The following ARHGAP29 variants were observed in gnomAD, a reference collection of about 807,000 sequenced individuals.
The protein encoded by ARHGAP29 is Rho GTPase activating protein 29, also known as rho GTPase-activating protein 29.
Under a neutral mutation model 122.6 loss-of-function variants are expected in ARHGAP29, and 43 were observed. That is an observed-to-expected ratio of 0.35 (90% CI 0.27 to 0.45). ARHGAP29 has a LOEUF of 0.45. ARHGAP29 is among the 20% of genes least tolerant of loss of function. The pLI, the probability that ARHGAP29 is intolerant of heterozygous loss-of-function variation, is 1.00. For synonymous variants in ARHGAP29, 506 were observed against 497.1 expected (o/e 1.02, Z -0.24); for missense variants, 1,303 against 1,477.2 (o/e 0.88, Z 1.93).
At position 94,171,013 on chromosome 1, in the gene ARHGAP29, A is replaced by G. The variant is rs981402174; in HGVS notation, c.*2856T>C. On this transcript the variant is annotated 3_prime_UTR_variant, in exon 23 of 23. Coordinates refer to ENST00000260526, the MANE Select transcript of ARHGAP29 (RefSeq NM_004815.4). ...AACTGAATAGTCTACATATATAATCATATCAACACATCACCATAATTTCCT... is the reference window on the plus strand; with the variant it reads ...AACTGAATAGTCTACATATATAATCGTATCAACACATCACCATAATTTCCT... 2.6e-5 allele frequency among the ~76,000 whole-genome samples: 4 copies of G among 152,242 alleles called. No individual in the cohort carries two copies. Among genetic ancestry groups the G allele is most frequent in the African/African-American group, 9.6e-5 (4 of 41,468 alleles).
intron 1 of ARHGAP29, among the ~76,000 whole-genome samples, chr1:94,257,337 G>A (rs1486446315): frequency 6.6e-6 from 1 of 152,050 alleles, no homozygotes; most frequent in African/African-American, 2.4e-5. Context: ...TGGAGGTGGA[G>A]GTTGCAGTGA....
chr1:94,304,049 C>A, the ARHGAP29 span, among the ~76,000 whole-genome samples: 1 of 152,194 alleles, frequency 6.6e-6, no homozygotes, highest in African/African-American at 2.4e-5. Context: ...ATTTTGATGT[C>A]AAGGCTCTGC....
At position 94,171,174 on chromosome 1, in the gene ARHGAP29, T is replaced by C. The variant is rs1007327481; in HGVS notation, c.*2695A>G. ...ACGATAGCTGGGAATAGTGTAGCCATAGTACCATCTTTAAATCACCCAAAT... is the reference window on the plus strand; with the variant it reads ...ACGATAGCTGGGAATAGTGTAGCCACAGTACCATCTTTAAATCACCCAAAT... On this transcript the variant is annotated 3_prime_UTR_variant, in exon 23 of 23. Transcript: ENST00000260526. Among the ~76,000 whole-genome samples, 1 of 152,208 alleles carries C rather than the reference T, an allele frequency of 6.6e-6. No individual in the cohort carries two copies. The highest frequency in any genetic ancestry group is 1.5e-5 in the Non-Finnish European group (1 of 68,038).
At chr1:94,253,672 A>ACGCACT in intron 1 of ARHGAP29, among the ~76,000 whole-genome samples, 1 of 123,642 alleles carries the variant, frequency 8.1e-6, no homozygotes, top group South Asian at 2.7e-4. Context: ...ACGCACGCAC[A>ACGCACT]TGCACACATT....
intron 1 of ARHGAP29, among the ~76,000 whole-genome samples, chr1:94,258,489 G>A (rs1164557520): frequency 6.6e-6 from 1 of 152,212 alleles, no homozygotes; most frequent in East Asian, 1.9e-4. Context: ...AACTCTAGCT[G>A]ATACCACAGT....
At chr1:94,277,406 C>T (rs2100743394), upstream of ARHGAP29, among the ~76,000 whole-genome samples, 1 of 152,288 alleles carries the variant, frequency 6.6e-6, no homozygotes, top group South Asian at 2.1e-4. Flanking sequence ...TGAGACAGTT[C>T]AGACCTTATT....
At position 94,174,717 on chromosome 1, in the gene ARHGAP29, C is replaced by A. The variant is rs758759180; in HGVS notation, c.2938G>T (p.Glu980Ter). ...TCTTCTATCTTTTGGGATGCTGATT[C>A]AGCCTCTTGGTCTAGAAGCAACTGT... ...KAQLLLDQEAESASQKIEDGK... is the reference protein window; with the variant it reads ...KAQLLLDQEA The change falls in exon 23 of 23, where the codon GAA becomes TAA. Residue 980 changes from glutamate to a stop codon, truncating the protein, a stop_gained. Coordinates refer to ENST00000260526, the MANE Select transcript of ARHGAP29 (RefSeq NM_004815.4). LOFTEE classifies it low-confidence loss of function (END_TRUNC). 3 of 1,614,056 alleles carry A rather than the reference C, an allele frequency of 1.9e-6. No homozygotes were observed. In the South Asian group the frequency reaches 3.3e-5, roughly 18 times the overall value.
At chr1:94,301,528 T>C in the ARHGAP29 span, among the ~76,000 whole-genome samples, 172 of 152,270 alleles carry the variant, frequency 1.1e-3, no homozygotes, top group African/African-American at 4.0e-3. Flanking sequence ...CCTGAATCTG[T>C]CACTGCAATG....
At chr1:94,213,724 A>G (rs926876735) in intron 3 of ARHGAP29, among the ~76,000 whole-genome samples, 1 of 152,162 alleles carries the variant, frequency 6.6e-6, no homozygotes, top group Non-Finnish European at 1.5e-5. Context: ...CTCTCTTACA[A>G]TGTTACATAA....
At chr1:94,276,928 C>T (rs1192803785), upstream of ARHGAP29, among the ~76,000 whole-genome samples, 2 of 151,958 alleles carry the variant, frequency 1.3e-5, no homozygotes, top group South Asian at 2.1e-4. Context: ...GGCTTCCGGG[C>T]ACTGCAAAGG....
intron 8 of ARHGAP29, among the ~76,000 whole-genome samples, 181 bp downstream of exon 8, chr1:94,203,749 A>G (rs1409691705): frequency 6.6e-6 from 1 of 152,160 alleles, no homozygotes; most frequent in Admixed American, 6.5e-5. Context: ...CGAAAAAAAA[A>G]GCGTATTTCC....
chr1:94,309,721 G>A, the ARHGAP29 span, among the ~76,000 whole-genome samples: 2 of 152,260 alleles, frequency 1.3e-5, no homozygotes, highest in East Asian at 3.9e-4. Flanking sequence ...AGGTCCCAAG[G>A]TAGAAATAAA....
rs576325652 is a variant in ARHGAP29, at chr1:94,213,156, C to T, written c.341-3806G>A. On this transcript the variant is annotated intron_variant, in intron 3 of 22. Coordinates refer to ENST00000260526, the MANE Select transcript of ARHGAP29 (RefSeq NM_004815.4). The stretch of plus-strand genomic sequence containing the variant: ...AGATTTGGCTTTTCACCCACTTTAA[C>T]GGTTATCAGAGGCTAGAAAACTTTT... Among the ~76,000 whole-genome samples the T allele has an allele frequency of 6.6e-5, 10 of 152,240 alleles. No individual in the cohort carries two copies. The East Asian group carries it at 7.7e-4, about 12-fold the overall frequency.
At chr1:94,236,207 A>T (rs1653246450) in intron 1 of ARHGAP29, among the ~76,000 whole-genome samples, 1 of 151,966 alleles carries the variant, frequency 6.6e-6, no homozygotes, top group Non-Finnish European at 1.5e-5. Flanking sequence ...CTATGCAAAC[A>T]ATTTTTAAAG....
At chr1:94,235,218 C>G (rs1435943443) in intron 1 of ARHGAP29, among the ~76,000 whole-genome samples, 1 of 152,100 alleles carries the variant, frequency 6.6e-6, no homozygotes, top group African/African-American at 2.4e-5. Flanking sequence ...ATTGAAAAAA[C>G]GTTTAAAATA....
At chr1:94,298,151 A>G in the ARHGAP29 span, among the ~76,000 whole-genome samples, 7,705 of 152,288 alleles carry the variant, frequency 0.051, 672 homozygotes, top group African/African-American at 0.18. Context: ...TACCATCCTG[A>G]ATACACTTTC....
At chr1:94,185,127 T>C (rs1055560080) in intron 17 of ARHGAP29, 67 bp from the exon 18 acceptor site, 2 of 1,438,786 alleles carry the variant, frequency 1.4e-6, no homozygotes, top group Non-Finnish European at 1.9e-6. Context: ...AAACTGCAGG[T>C]GGAAGGTAAC....
At chr1:94,266,558 T>C (rs1191525582) in intron 1 of ARHGAP29, among the ~76,000 whole-genome samples, 1 of 152,164 alleles carries the variant, frequency 6.6e-6, no homozygotes, top group East Asian at 1.9e-4. Flanking sequence ...AGCCCCTTCA[T>C]ACTATGGCCT....
intron 19 of ARHGAP29, among the ~76,000 whole-genome samples, chr1:94,182,276 C>CAA (rs370160214): frequency 6.8e-6 from 1 of 147,650 alleles, no homozygotes; most frequent in African/African-American, 2.5e-5. Flanking sequence ...TGTAAGAAAA[C>CAA]AAAAAAAAAG....
Sources: gnomAD v4.1 joint callset for allele counts (sites outside exome capture counted in the v4.1 genomes callset) on GRCh38, gnomAD v4.1.1 for gene constraint, MANE v1.5 for transcripts, NCBI Gene and HGNC (gene_info 2026-07-23, HGNC 2026-07-21) for gene names.